ATOH8: variants seen among roughly 807,000 people sequenced by gnomAD.
ATOH8 encodes the protein transcription factor ATOH8.
A neutral mutation model predicts 21.2 loss-of-function variants in ATOH8; 9 were observed. That is an observed-to-expected ratio of 0.42 (90% CI 0.26 to 0.74). The LOEUF (loss-of-function observed/expected upper bound fraction) is 0.74. Among genes scored for constraint, ATOH8 ranks in the 30% least tolerant of loss-of-function variants. The pLI is 0.24. For synonymous variants in ATOH8, 253 were observed against 224.0 expected (o/e 1.13, Z -1.16); for missense variants, 524 against 470.9 (o/e 1.11, Z -1.04).
intron 1 of ATOH8, among the ~76,000 whole-genome samples, 172 bp downstream of exon 1, chr2:85,755,129 A>G (rs541843596): frequency 1.3e-5 from 2 of 152,284 alleles, no homozygotes; most frequent in South Asian, 2.1e-4. Context: ...CATAGTTTTC[A>G]AAGTGGCTAT....
rs542649557 is a variant in ATOH8 at position 85,765,297 on chromosome 2, C to A, written c.960+1115C>A. 3.9e-5 allele frequency among the ~76,000 whole-genome samples: 6 copies of A among 152,358 alleles called. No individual in the cohort carries two copies. In the South Asian group the frequency reaches 8.3e-4, roughly 21 times the overall value. ...CCCATCCCTGACATTCCTTTCCAGA[C>A]CCCTTTCCAGCAGGCCCCTCTGTGG... On this transcript the variant is annotated intron_variant, in intron 2 of 2. Transcript: ENST00000306279.
intron 2 of ATOH8, chr2:85,774,063 C>G: frequency 1.0e-6 from 1 of 982,208 alleles, no homozygotes; most frequent in Non-Finnish European, 1.2e-6. Flanking sequence ...CCCACCAGCT[C>G]CTGGGTCTGT....
At chr2:85,759,630 CT>C (rs1679808213) in intron 1 of ATOH8, among the ~76,000 whole-genome samples, 1 of 152,086 alleles carries the variant, frequency 6.6e-6, no homozygotes, top group African/African-American at 2.4e-5. Context: ...TTTAGATAGA[CT>C]TTGGGAAGGA....
intron 1 of ATOH8, among the ~76,000 whole-genome samples, chr2:85,759,248 T>C (rs969111549): frequency 3.3e-5 from 5 of 152,174 alleles, no homozygotes; most frequent in Non-Finnish European, 5.9e-5. Flanking sequence ...CAAAGCAGCC[T>C]GTACACCATC....
rs1460983814 is a variant in ATOH8, at chr2:85,764,071, G to A, written c.849G>A (p.Ala283=). Reference sequence around the variant, plus strand: ...CCTGTAACTACATCCTGTCCCTGGCGCGGCTGGCTGACCTTGACTACAGTG... The same window carrying A: ...CCTGTAACTACATCCTGTCCCTGGCACGGCTGGCTGACCTTGACTACAGTG... The part of the protein sequence containing the change: ...RIACNYILSL[A]RLADLDYSAD... The change falls in exon 2 of 3, where the codon GCG becomes GCA. Residue 283 remains alanine, a synonymous_variant. Transcript: ENST00000306279. 1.5e-5 allele frequency: 24 copies of A among 1,614,034 alleles called. No individual in the cohort carries two copies. Among genetic ancestry groups the A allele is most frequent in the Admixed American group, 3.3e-5 (2 of 60,002 alleles).
intron 2 of ATOH8, among the ~76,000 whole-genome samples, chr2:85,786,041 C>T (rs1334546290): frequency 6.6e-6 from 1 of 152,124 alleles, no homozygotes. Flanking sequence ...TTCCTGGTAG[C>T]CAGTTACACC....
chr2:85,759,744 G>A (rs868830319), intron 1 of ATOH8, among the ~76,000 whole-genome samples: 15 of 152,102 alleles, frequency 9.9e-5, no homozygotes, highest in Non-Finnish European at 1.8e-4. Flanking sequence ...GCTCATCTGT[G>A]TGTAGTGGAT....
Position 85,766,369 on chromosome 2 carries a change from C to T in ATOH8, c.960+2187C>T, listed in dbSNP as rs896172478. The stretch of plus-strand genomic sequence containing the variant: ...ACCCAGCCCGGGCCTGAGGGCACTT[C>T]CTGCCTCCTGCCCTCAGTCTTTCCC... On this transcript the variant is annotated intron_variant, in intron 2 of 2. Transcript: ENST00000306279. This position sits in a 1 kb window ranked among gnomAD's most constrained non-coding sequence, Gnocchi z 4.0. Among the ~76,000 whole-genome samples, 1 of 152,026 alleles carries T rather than the reference C, an allele frequency of 6.6e-6. No homozygotes were observed. The highest frequency in any genetic ancestry group is 1.5e-5 in the Non-Finnish European group (1 of 68,006).
At chr2:85,756,910 G>C (rs531159575) in intron 1 of ATOH8, among the ~76,000 whole-genome samples, 15 of 152,178 alleles carry the variant, frequency 9.9e-5, no homozygotes, top group Non-Finnish European at 2.1e-4. Context: ...AGATGAGATT[G>C]TTCATCCTGG....
rs1680014182 is a variant in ATOH8, at chr2:85,766,316, T to TCCCTCCCCCACACCCAGCCCGG, written c.960+2134_960+2135insCCCTCCCCCACACCCAGCCCGG. On this transcript the variant is annotated intron_variant, in intron 2 of 2. Transcript: ENST00000306279. The surrounding 1 kb of genome is among the most constrained non-coding windows in gnomAD (Gnocchi z 4.0). ...GGAAGTTCCAGGGTAGGAACTCGAC[T>TCCCTCCCCCACACCCAGCCCGG]GTTTCCTCTCCACCCTCCCTCCCCC... 6.6e-6 allele frequency among the ~76,000 whole-genome samples: 1 copy of TCCCTCCCCCACACCCAGCCCGG among 152,042 alleles called. No homozygotes were observed. The highest frequency in any genetic ancestry group is 6.5e-5 in the Admixed American group (1 of 15,282).
intron 2 of ATOH8, among the ~76,000 whole-genome samples, chr2:85,784,885 A>G (rs1010392234): frequency 5.3e-5 from 8 of 152,260 alleles, no homozygotes; most frequent in African/African-American, 2.4e-5. Flanking sequence ...CCCAGTTGTC[A>G]TAAGACTTCC....
At chr2:85,757,468 G>T (rs1679740686) in intron 1 of ATOH8, among the ~76,000 whole-genome samples, 1 of 152,262 alleles carries the variant, frequency 6.6e-6, no homozygotes, top group Admixed American at 6.5e-5. Context: ...AGGCAGATCA[G>T]CTCCGCCTGA....
intron 2 of ATOH8, among the ~76,000 whole-genome samples, chr2:85,778,441 G>A (rs902433623): frequency 1.3e-5 from 2 of 152,216 alleles, no homozygotes; most frequent in Non-Finnish European, 2.9e-5. Flanking sequence ...GAGGCTAGGG[G>A]AGGTGTTCCT....
intron 2 of ATOH8, among the ~76,000 whole-genome samples, chr2:85,769,865 G>C (rs1003025936): frequency 6.6e-6 from 1 of 152,196 alleles, no homozygotes; most frequent in South Asian, 2.1e-4. Flanking sequence ...CACTGTCCCA[G>C]CTTTGTTCCT....
chr2:85,758,730 A>T (rs1210678532), intron 1 of ATOH8, among the ~76,000 whole-genome samples: 1 of 152,160 alleles, frequency 6.6e-6, no homozygotes, highest in Non-Finnish European at 1.5e-5. Flanking sequence ...TGCAGGGCAG[A>T]TGGTCAGGCC....
chr2:85,760,796 G>A (rs959601297), intron 1 of ATOH8: 1 of 152,270 alleles, frequency 6.6e-6, no homozygotes, highest in Non-Finnish European at 1.5e-5. Flanking sequence ...GCTGCTTGAT[G>A]TAGTCCTTGA....
rs1680611827 is a variant in ATOH8, at chr2:85,785,913, T to C, written c.961-972T>C. Among the ~76,000 whole-genome samples the C allele has an allele frequency of 6.6e-6, 1 of 152,166 alleles. No homozygotes were observed. Among genetic ancestry groups the C allele is most frequent in the Non-Finnish European group, 1.5e-5 (1 of 68,032 alleles). ...GTTATGTTGTACCAGGTTCAGGGAC[T>C]TTGTTATTTTTCATCCTGGGTGGAT... On this transcript the variant is annotated intron_variant, in intron 2 of 2. Transcript: ENST00000306279. This position sits in a 1 kb window ranked among gnomAD's most constrained non-coding sequence, Gnocchi z 4.1.
chr2:85,790,752 C>T lies in ATOH8; in HGVS notation c.*3862C>T, dbSNP rs1168518020. 6.6e-6 allele frequency among the ~76,000 whole-genome samples: 1 copy of T among 152,172 alleles called. No homozygotes were observed. Among genetic ancestry groups the T allele is most frequent in the East Asian group, 1.9e-4 (1 of 5,182 alleles). On this transcript the variant is annotated 3_prime_UTR_variant, in exon 3 of 3. Transcript: ENST00000306279. Reference sequence around the variant, plus strand: ...AGCTCCTCTGTGCTCAAGAGCTTGCCGGTGAGCCTGGACGGAGGCATAGGT... The same window carrying T: ...AGCTCCTCTGTGCTCAAGAGCTTGCTGGTGAGCCTGGACGGAGGCATAGGT...
Position 85,754,478 on chromosome 2 carries a change from G to T in ATOH8, c.289G>T (p.Gly97Trp). The T allele has an allele frequency of 6.9e-7, 1 of 1,447,478 alleles. No homozygotes were observed. The highest frequency in any genetic ancestry group is 9.0e-7 in the Non-Finnish European group (1 of 1,109,698). 89.7% of individuals were successfully genotyped at this position (1,447,478 alleles called of 1,614,324 possible). ...RGGTDTAGER[G>W]GSRAPEVSDA... ...GGGCACGGACACAGCCGGGGAGCGCGGGGGCTCTCGGGCGCCCGAGGTCTC... is the reference window on the plus strand; with the variant it reads ...GGGCACGGACACAGCCGGGGAGCGCTGGGGCTCTCGGGCGCCCGAGGTCTC... The change falls in exon 1 of 3, where the codon GGG (glycine) becomes TGG (tryptophan). Residue 97 changes from glycine to tryptophan, a missense_variant. Physicochemically the swap from Gly to Trp is radical, Grantham distance 184 (BLOSUM62 -2). Coordinates refer to ENST00000306279, the MANE Select transcript of ATOH8 (RefSeq NM_032827.7).
Sources: gnomAD v4.1 joint callset for allele counts (sites outside exome capture counted in the v4.1 genomes callset) on GRCh38, gnomAD v4.1.1 for gene constraint, Gnocchi (gnomAD v3.1) non-coding constraint, MANE v1.5 for transcripts, NCBI Gene and HGNC (gene_info 2026-07-23, HGNC 2026-07-21) for gene names.